OTOG: variants seen among roughly 807,000 people sequenced by gnomAD.
The protein encoded by OTOG is otogelin.
Under a neutral mutation model 313.8 loss-of-function variants are expected in OTOG, and 296 were observed. The observed-to-expected ratio is 0.94, with a 90% CI of 0.86 to 1.04. The LOEUF (loss-of-function observed/expected upper bound fraction) is 1.04, where lower values mean the gene tolerates loss of function less well. Ranked by LOEUF, OTOG falls within the 50% of genes least tolerant of loss-of-function variation. The pLI is 0.00. For missense variants in OTOG, 3,948 were observed against 3,840.1 expected, an observed-to-expected ratio of 1.03 and a Z score of -0.74; for synonymous variants, 1,533 against 1,554.9, an observed-to-expected ratio of 0.99 and a Z score of 0.33.
At position 17,552,001 on chromosome 11, in the gene OTOG, A is replaced by T. The variant is rs969812555; in HGVS notation, c.218A>T (p.Gln73Leu). ...GDKATVVGGQ[Q>L]AEAPDSVAMS... ...TTCTCTTCCTCCTGTCTTCACAAGC[A>T]GGCTGAAGCCCCAGACTCCGTGGCC... Residue 73 changes from glutamine (Q) to leucine (L), a missense_variant and splice_region_variant, in exon 4 of 56, where the codon CAG (glutamine) becomes CTG (leucine). Transcript: ENST00000399397. 3.2e-6 allele frequency: 5 copies of T among 1,550,450 alleles called. No individual in the cohort carries two copies. The South Asian group carries it at 5.9e-5, about 18-fold the overall frequency.
rs1472403679 is a variant in OTOG at position 17,550,771 on chromosome 11, C to CCTGGGG, written c.217-1217_217-1212dup. Among the ~76,000 whole-genome samples, 4 of 152,210 alleles carry CCTGGGG rather than the reference C, an allele frequency of 2.6e-5. No individual in the cohort carries two copies. In the East Asian group the frequency reaches 5.8e-4, roughly 22 times the overall value. ...TAGTACCCGGGTGGGAAACCTGACTCCTGGGGCTGGGGCTGGGTCGACTGG... is the reference window on the plus strand; with the variant it reads ...TAGTACCCGGGTGGGAAACCTGACTCCTGGGGCTGGGGCTGGGGCTGGGTCGACTGG... On this transcript the variant is annotated intron_variant, in intron 3 of 55. Transcript: ENST00000399397.
chr11:17,640,944 G>C lies in OTOG; in HGVS notation c.8043G>C (p.Leu2681=). ...CCCCGGTGTGTCTGAGCCGCGAGCTGGGTGTGATGCAGCCCGGCCAGACAG... is the reference window on the plus strand; with the variant it reads ...CCCCGGTGTGTCTGAGCCGCGAGCTCGGTGTGATGCAGCCCGGCCAGACAG... ...VKAPVCLSRE[L]GVMQPGQTVV... is the part of the protein sequence containing the mutation. The change falls in exon 51 of 56, where the codon CTG becomes CTC. Residue 2681 remains leucine, a synonymous_variant. Transcript: ENST00000399397. The C allele has an allele frequency of 7.1e-6, 11 of 1,548,336 alleles. No homozygotes were observed. The highest frequency in any genetic ancestry group is 9.6e-6 in the Non-Finnish European group (11 of 1,146,958).
chr11:17,586,024 C>T (rs1852786041), intron 23 of OTOG, among the ~76,000 whole-genome samples: 1 of 152,300 alleles, frequency 6.6e-6, no homozygotes, highest in Admixed American at 6.5e-5. Flanking sequence ...TCCTTGGCTC[C>T]GGCCTGGGAG....
chr11:17,573,260 G>A lies in OTOG; in HGVS notation c.2263G>A (p.Val755Ile), dbSNP rs138477595. ...AHLCRRHGLPVDFRARLPACA... is the reference protein window; with the variant it reads ...AHLCRRHGLPIDFRARLPACA... ...CCTGTGCCGGCGCCATGGGCTCCCC[G>A]TTGATTTCCGCGCCCGCCTGCCAGC... Residue 755 changes from valine to isoleucine, a missense_variant, in exon 19 of 56, where the codon GTT becomes ATT. By Grantham distance (29) the Val-to-Ile change is conservative. Coordinates refer to ENST00000399397, the MANE Select transcript of OTOG (RefSeq NM_001292063.2). 5.4e-5 allele frequency: 83 copies of A among 1,530,196 alleles called. 2 individuals are homozygous for A. The African/African-American group carries it at 5.5e-4, about 10-fold the overall frequency. The allele number at this position is 1,530,196 out of a possible 1,614,324, so 94.8% of individuals were successfully genotyped here.
chr11:17,635,760 C>A, intron 47 of OTOG, 49 bp downstream of exon 47: 1 of 1,450,018 alleles, frequency 6.9e-7, no homozygotes, highest in Non-Finnish European at 9.5e-7. Context: ...AGGGGCCCTT[C>A]ACAGAGTTCC....
At chr11:17,635,295 G>C (rs1429006331) in intron 46 of OTOG, 108 bp downstream of exon 46, 7 of 884,580 alleles carry the variant, frequency 7.9e-6, no homozygotes, top group Non-Finnish European at 1.2e-5. Flanking sequence ...TCTTCAGATG[G>C]GGTGGGCAAA....
At chr11:17,601,994 G>A (rs1250786734) in intron 31 of OTOG, among the ~76,000 whole-genome samples, 1 of 152,202 alleles carries the variant, frequency 6.6e-6, no homozygotes, top group East Asian at 1.9e-4. Context: ...GCACTGTGCA[G>A]TGGGTCTGTT....
Position 17,559,084 on chromosome 11 carries a change from C to T in OTOG, c.1136C>T (p.Ala379Val), listed in dbSNP as rs1349088507. The T allele has an allele frequency of 6.5e-7, 1 of 1,547,524 alleles. No individual in the cohort carries two copies. The highest frequency in any genetic ancestry group is 2.0e-5 in the Admixed American group (1 of 51,012). ...SMGDVATWCRALAEYARACAQ... is the reference protein window; with the variant it reads ...SMGDVATWCRVLAEYARACAQ... ...GGTGATGTAGCCACCTGGTGCCGGG[C>T]ACTGGCGGAGTATGCCCGGGCGTGT... The change falls in exon 11 of 56, where the codon GCA becomes GTA. Residue 379 changes from alanine (A) to valine (V), a missense_variant. Transcript: ENST00000399397.
intron 6 of OTOG, among the ~76,000 whole-genome samples, chr11:17,555,258 T>A (rs1387453085): frequency 6.6e-6 from 1 of 151,746 alleles, no homozygotes; most frequent in Non-Finnish European, 1.5e-5. Context: ...GAGTGAGATG[T>A]GTGCCGATGG....
chr11:17,587,866 C>T (rs921004859), intron 24 of OTOG, among the ~76,000 whole-genome samples: 9 of 152,168 alleles, frequency 5.9e-5, no homozygotes, highest in African/African-American at 2.2e-4. Flanking sequence ...CTGGGGATGG[C>T]TGGCCTGGAT....
At chr11:17,639,113 T>A (rs191916392) in intron 48 of OTOG, among the ~76,000 whole-genome samples, 1 of 152,344 alleles carries the variant, frequency 6.6e-6, no homozygotes, top group Admixed American at 6.5e-5. Flanking sequence ...AAGGGATTAA[T>A]CCAGGTGACA....
intron 3 of OTOG, 49 bp downstream of exon 3, chr11:17,548,261 A>C: frequency 6.8e-7 from 1 of 1,468,704 alleles, no homozygotes; most frequent in Non-Finnish European, 9.2e-7. Flanking sequence ...GCTCATGTCT[A>C]TCTGGATCTG....
chr11:17,623,335 C>A (rs1249270904), intron 39 of OTOG, among the ~76,000 whole-genome samples: 1 of 152,090 alleles, frequency 6.6e-6, no homozygotes, highest in Non-Finnish European at 1.5e-5. Flanking sequence ...ATCTGTTGTT[C>A]CCCTCTACCT....
At chr11:17,579,821 G>C (rs7105953) in intron 23 of OTOG, among the ~76,000 whole-genome samples, 68,845 of 152,008 alleles carry the variant, frequency 0.45, 16,164 homozygotes, top group African/African-American at 0.57. Flanking sequence ...CAGAGACACA[G>C]TGGAAGGGGC....
Position 17,596,852 on chromosome 11 carries a change from T to C in OTOG, c.3527T>C (p.Val1176Ala). Residue 1176 changes from valine to alanine, a missense_variant and splice_region_variant, in exon 30 of 56, where the codon GTT becomes GCT. By Grantham distance (64) the Val-to-Ala change is moderately conservative. Coordinates refer to ENST00000399397, the MANE Select transcript of OTOG (RefSeq NM_001292063.2). ...CCTCTAACTTCTGACCTTCTCCAGG[T>C]TGATGTCACTTGGTTTTACTCAAAC... ...SEVFEICHPV[V>A]DVTWFYSNCL... 1.3e-6 allele frequency: 2 copies of C among 1,551,036 alleles called. No homozygotes were observed. Among genetic ancestry groups the C allele is most frequent in the Non-Finnish European group, 1.7e-6 (2 of 1,147,024 alleles).
intron 24 of OTOG, among the ~76,000 whole-genome samples, chr11:17,588,015 C>T (rs1372123624): frequency 1.3e-5 from 2 of 152,080 alleles, no homozygotes; most frequent in Non-Finnish European, 2.9e-5. Context: ...GCATTGTGCT[C>T]AGAAATCAGA....
intron 15 of OTOG, among the ~76,000 whole-genome samples, chr11:17,568,129 G>A (rs1001905191): frequency 6.6e-6 from 1 of 151,894 alleles, no homozygotes; most frequent in Admixed American, 6.5e-5. Context: ...GGATGGTCTC[G>A]ATCTCCTGAC....
At chr11:17,623,734 C>T (rs1853918731) in intron 39 of OTOG, among the ~76,000 whole-genome samples, 1 of 152,128 alleles carries the variant, frequency 6.6e-6, no homozygotes, top group Admixed American at 6.5e-5. Flanking sequence ...CTGTTTTCCA[C>T]AATGGTTGAA....
chr11:17,608,454 G>A, intron 34 of OTOG, 41 bp downstream of exon 34: 2 of 1,357,658 alleles, frequency 1.5e-6, no homozygotes, highest in Non-Finnish European at 2.0e-6. Context: ...CAAGGTGTGT[G>A]CACTAGTGTG....
Sources: allele counts gnomAD v4.1 joint callset (sites outside exome capture counted in the v4.1 genomes callset), GRCh38; gene constraint gnomAD v4.1.1; transcripts MANE v1.5; gene names NCBI Gene and HGNC (gene_info 2026-07-23, HGNC 2026-07-21).